The following SPECC1L variants were observed in gnomAD, a reference collection of about 807,000 sequenced individuals.
SPECC1L encodes cytospin-A.
Under a neutral mutation model 116.8 loss-of-function variants are expected in SPECC1L, and 40 were observed. The ratio of observed to expected loss-of-function variants is 0.34; its 90% CI spans 0.27 to 0.45. The LOEUF (loss-of-function observed/expected upper bound fraction) is 0.45. Ranked by LOEUF, SPECC1L falls within the 20% of genes least tolerant of loss-of-function variation. The probability of loss-of-function intolerance (pLI) is 1.00; values close to 1 mark genes in which losing one functional copy is unlikely to be tolerated. For synonymous variants in SPECC1L, 504 were observed against 500.6 expected (o/e 1.01, Z -0.09); for missense variants, 1,110 against 1,373.6 (o/e 0.81, Z 3.03).
Position 24,322,855 on chromosome 22 carries a change from C to A in SPECC1L, c.1875C>A (p.Ser625Arg). ...DKEKAETLAS[S>R]LQEDLAHTRN... Reference sequence around the variant, plus strand: ...AAAAAGCAGAGACTTTGGCTAGTAGCTTGCAGGAAGATCTGGCTCATACCC... The same window carrying A: ...AAAAAGCAGAGACTTTGGCTAGTAGATTGCAGGAAGATCTGGCTCATACCC... The change falls in exon 5 of 17, where the codon AGC (serine) becomes AGA (arginine). Residue 625 changes from serine to arginine, a missense_variant. Ser to Arg is a moderately radical substitution (Grantham distance 110). This residue lies in a region of SPECC1L where 575 missense variants were observed against 682.4 expected (regional missense o/e 0.84). Coordinates refer to ENST00000314328, the MANE Select transcript of SPECC1L (RefSeq NM_015330.6). 1 of 1,613,116 alleles carries A rather than the reference C, an allele frequency of 6.2e-7. No individual in the cohort carries two copies.
intron 11 of SPECC1L, among the ~76,000 whole-genome samples, chr22:24,352,777 C>G (rs2041452350): frequency 6.6e-6 from 1 of 152,172 alleles, no homozygotes; most frequent in Admixed American, 6.5e-5. Context: ...CCTTCTTCTT[C>G]CTCTTCCCTG....
intron 14 of SPECC1L, among the ~76,000 whole-genome samples, chr22:24,398,695 T>C (rs2042412646): frequency 6.6e-6 from 1 of 152,176 alleles, no homozygotes. Flanking sequence ...GAAGACACAA[T>C]TGGTGACATT....
intron 14 of SPECC1L, among the ~76,000 whole-genome samples, chr22:24,405,375 A>G (rs114711388): frequency 0.025 from 3,752 of 151,646 alleles, 69 homozygotes; most frequent in African/African-American, 0.051. Context: ...GGTCACATGA[A>G]TATGATGAGG....
chr22:24,357,185 T>A (rs1398073294), intron 11 of SPECC1L, among the ~76,000 whole-genome samples: 3 of 152,124 alleles, frequency 2.0e-5, no homozygotes, highest in Non-Finnish European at 4.4e-5. Context: ...ATCTTGCATA[T>A]TGTCTGCCTT....
At position 24,365,514 on chromosome 22, in the gene SPECC1L, T is replaced by C. The variant is rs2041743560; in HGVS notation, c.2866T>C (p.Ser956Pro). Residue 956 changes from serine (S) to proline (P), a missense_variant, in exon 13 of 17, where the codon TCT (serine) becomes CCT (proline). Transcript: ENST00000314328. ...TAGTGAAGAAGTGAAACGGGACATT[T>C]CTGCACAGGAGGGAGCGTCGCCAGC... ...RSSEEVKRDI[S>P]AQEGASPASL... The C allele has an allele frequency of 3.1e-6, 5 of 1,614,162 alleles. No homozygotes were observed. The highest frequency in any genetic ancestry group is 4.2e-6 in the Non-Finnish European group (5 of 1,180,028).
intron 11 of SPECC1L, among the ~76,000 whole-genome samples, chr22:24,362,725 G>A (rs747512456): frequency 5.3e-5 from 8 of 152,044 alleles, no homozygotes; most frequent in Non-Finnish European, 8.8e-5. Context: ...CCTCTTTTCA[G>A]TAAGGCCCAG....
chr22:24,414,389 C>A, intron 16 of SPECC1L, 145 bp from the exon 17 acceptor site: 1 of 731,026 alleles, frequency 1.4e-6, no homozygotes, highest in Non-Finnish European at 2.4e-6. Flanking sequence ...GCATTCTTGG[C>A]CAGGCTTTAA....
In SPECC1L at chr22:24,330,309, C is replaced by CATTTA; in HGVS notation, c.2277_2278insTAATT (p.Ala760Ter). ...AGGCTGATCTCCAGACTGCAGTAGT[C>CATTTA]ATTGCAAATGACATTAAATCTGAAG... On this transcript the variant is annotated frameshift_variant, in exon 8 of 17. Coordinates refer to ENST00000314328, the MANE Select transcript of SPECC1L (RefSeq NM_015330.6). LOFTEE classifies it high-confidence loss of function. 1 of 1,614,072 alleles carries CATTTA rather than the reference C, an allele frequency of 6.2e-7. No individual in the cohort carries two copies. The highest frequency in any genetic ancestry group is 8.5e-7 in the Non-Finnish European group (1 of 1,180,004).
intron 1 of SPECC1L, among the ~76,000 whole-genome samples, chr22:24,271,910 C>G (rs955000368): frequency 5.9e-5 from 9 of 152,164 alleles, no homozygotes; most frequent in Non-Finnish European, 8.8e-5. Context: ...ATAACAGATA[C>G]AAGCCTTTAA....
intron 2 of SPECC1L, among the ~76,000 whole-genome samples, chr22:24,285,600 A>G (rs1225044373): frequency 1.3e-5 from 2 of 152,082 alleles, no homozygotes; most frequent in Non-Finnish European, 2.9e-5. Context: ...GGTCTATGTT[A>G]AGTGTTATGA....
intron 3 of SPECC1L, among the ~76,000 whole-genome samples, chr22:24,303,526 G>A (rs572464424): frequency 2.0e-5 from 3 of 152,270 alleles, no homozygotes; most frequent in South Asian, 4.2e-4. Context: ...TCTCTTTGGC[G>A]TGGAGTGCCT....
intron 2 of SPECC1L, among the ~76,000 whole-genome samples, chr22:24,277,426 A>T (rs1305117222): frequency 6.6e-6 from 1 of 152,216 alleles, no homozygotes; most frequent in African/African-American, 2.4e-5. Flanking sequence ...TGTACCTTTC[A>T]TGTGGTTTTT....
At chr22:24,395,228 A>T (rs984079749) in intron 14 of SPECC1L, among the ~76,000 whole-genome samples, 2 of 152,202 alleles carry the variant, frequency 1.3e-5, no homozygotes, top group African/African-American at 4.8e-5. Flanking sequence ...ATAACCCAAG[A>T]TCACAACGAT....
At chr22:24,368,632 CATAAACGG>C (rs1343783338) in intron 13 of SPECC1L, among the ~76,000 whole-genome samples, 2 of 152,080 alleles carry the variant, frequency 1.3e-5, no homozygotes, top group African/African-American at 4.8e-5. Flanking sequence ...TGGTAAAGGA[CATAAACGG>C]TTATTTTATT....
intron 14 of SPECC1L, among the ~76,000 whole-genome samples, chr22:24,376,913 T>C (rs2041982698): frequency 6.6e-6 from 1 of 151,418 alleles, no homozygotes; most frequent in Non-Finnish European, 1.5e-5. Flanking sequence ...GGGTTTTTGT[T>C]TTTTTTTTAA....
At chr22:24,392,796 A>C (rs567990634) in intron 14 of SPECC1L, among the ~76,000 whole-genome samples, 5 of 152,148 alleles carry the variant, frequency 3.3e-5, no homozygotes, top group African/African-American at 1.2e-4. Flanking sequence ...TAGTGGGGAT[A>C]TCTCATCTCA....
intron 7 of SPECC1L, among the ~76,000 whole-genome samples, chr22:24,329,212 T>C (rs1371669700): frequency 6.6e-6 from 1 of 152,214 alleles, no homozygotes; most frequent in African/African-American, 2.4e-5. Context: ...GAAATGCTTA[T>C]TGGAGCATTT....
At chr22:24,305,315 G>A (rs761115492) in intron 3 of SPECC1L, among the ~76,000 whole-genome samples, 5 of 152,092 alleles carry the variant, frequency 3.3e-5, no homozygotes, top group Admixed American at 6.5e-5. Flanking sequence ...AGCTTCCACC[G>A]TGCCTCTGCT....
At chr22:24,385,214 A>G (rs924709443) in intron 14 of SPECC1L, among the ~76,000 whole-genome samples, 7 of 152,150 alleles carry the variant, frequency 4.6e-5, no homozygotes, top group Non-Finnish European at 7.3e-5. Flanking sequence ...TTAAAATCAC[A>G]TATTAGCAAA....
Sources: allele counts gnomAD v4.1 joint callset (sites outside exome capture counted in the v4.1 genomes callset), GRCh38; gene constraint gnomAD v4.1.1; regional missense constraint gnomAD v4.1.1; transcripts MANE v1.5; gene names NCBI Gene and HGNC (gene_info 2026-07-23, HGNC 2026-07-21).